The following GPR39 variants were observed in gnomAD, a reference collection of about 807,000 sequenced individuals.
The protein encoded by GPR39 is G protein-coupled receptor 39.
A neutral mutation model predicts 18.4 loss-of-function variants in GPR39; 23 were observed. That is an observed-to-expected ratio of 1.25 (90% confidence interval 0.90 to 1.77). The LOEUF is 1.77. GPR39 is among the 40% of genes most tolerant of loss of function. The pLI is 0.00. For missense variants in GPR39, 647 were observed against 602.4 expected (o/e 1.07, Z -0.78); for synonymous variants, 280 against 257.9 (o/e 1.09, Z -0.82).
intron 1 of GPR39, among the ~76,000 whole-genome samples, chr2:132,562,572 A>G (rs1429910877): frequency 3.3e-5 from 5 of 150,552 alleles, no homozygotes; most frequent in Non-Finnish European, 7.4e-5. Context: ...TTAAGATCCT[A>G]TTTTGTCACT....
At chr2:132,595,229 A>T (rs1016458008) in intron 1 of GPR39, among the ~76,000 whole-genome samples, 4 of 151,952 alleles carry the variant, frequency 2.6e-5, no homozygotes, top group Non-Finnish European at 5.9e-5. Flanking sequence ...TGAACTCCTG[A>T]CCTCATGATC....
intron 1 of GPR39, among the ~76,000 whole-genome samples, chr2:132,507,990 G>A (rs111853018): frequency 0.028 from 4,264 of 152,190 alleles, 196 homozygotes; most frequent in African/African-American, 0.096. Flanking sequence ...TGAATCGTTG[G>A]CCATGTGACT....
intron 1 of GPR39, among the ~76,000 whole-genome samples, chr2:132,631,222 G>A (rs1573708578): frequency 6.6e-6 from 1 of 152,276 alleles, no homozygotes; most frequent in East Asian, 1.9e-4. Flanking sequence ...TCATTGTTGC[G>A]CTGTACTGTG....
rs1215892771 is a variant in GPR39, at chr2:132,635,670, G to T, written c.857-9431G>T. Reference sequence around the variant, plus strand: ...GGCCTAGCAGGTCATGGGGCCTGGGGCATAGAAGAGTGCCATCCTATGCTG... The same window carrying T: ...GGCCTAGCAGGTCATGGGGCCTGGGTCATAGAAGAGTGCCATCCTATGCTG... On this transcript the variant is annotated intron_variant, in intron 1 of 1. Transcript: ENST00000329321. Among the ~76,000 whole-genome samples the T allele has an allele frequency of 4.6e-5, 7 of 152,106 alleles. No individual in the cohort carries two copies. The South Asian group carries it at 1.5e-3, about 32-fold the overall frequency.
intron 1 of GPR39, among the ~76,000 whole-genome samples, chr2:132,520,791 A>G (rs28460430): frequency 0.47 from 71,516 of 152,004 alleles, 17,699 homozygotes; most frequent in Non-Finnish European, 0.56. Flanking sequence ...TTTAGCAGAG[A>G]GTGGGAGAAT....
At chr2:132,510,275 G>A (rs1253601157) in intron 1 of GPR39, among the ~76,000 whole-genome samples, 2 of 152,256 alleles carry the variant, frequency 1.3e-5, no homozygotes, top group Middle Eastern at 3.4e-3. Context: ...CATGAAGTGA[G>A]CTTATTGTTT....
intron 1 of GPR39, among the ~76,000 whole-genome samples, chr2:132,460,115 A>G (rs1158246787): frequency 1.3e-5 from 2 of 152,216 alleles, no homozygotes; most frequent in Non-Finnish European, 2.9e-5. Context: ...AAAAACCTGC[A>G]TAGGATTCTA....
At chr2:132,513,138 A>G (rs1558822144) in intron 1 of GPR39, among the ~76,000 whole-genome samples, 1 of 152,180 alleles carries the variant, frequency 6.6e-6, no homozygotes, top group African/African-American at 2.4e-5. Flanking sequence ...GTTGGGTTCC[A>G]GTAAGATGTG....
At chr2:132,527,020 G>A (rs1573647144) in intron 1 of GPR39, among the ~76,000 whole-genome samples, 1 of 152,098 alleles carries the variant, frequency 6.6e-6, no homozygotes, top group African/African-American at 2.4e-5. Context: ...TGCCATGGTG[G>A]TTTGCTGCAT....
chr2:132,594,874 C>T (rs1680908872), intron 1 of GPR39, among the ~76,000 whole-genome samples: 1 of 152,168 alleles, frequency 6.6e-6, no homozygotes, highest in South Asian at 2.1e-4. Flanking sequence ...GTACTTATCT[C>T]ATAGGGTTGA....
chr2:132,544,140 A>G (rs927399008), intron 1 of GPR39, among the ~76,000 whole-genome samples: 1 of 152,214 alleles, frequency 6.6e-6, no homozygotes, highest in African/African-American at 2.4e-5. Context: ...CAACTTGAGA[A>G]CATATGTTAA....
At chr2:132,551,332 C>T (rs1471038253) in intron 1 of GPR39, among the ~76,000 whole-genome samples, 2 of 152,162 alleles carry the variant, frequency 1.3e-5, no homozygotes, top group African/African-American at 4.8e-5. Flanking sequence ...GTTTAGATCT[C>T]ACTAGCCAGA....
chr2:132,482,783 A>G (rs1372651262), intron 1 of GPR39, among the ~76,000 whole-genome samples: 1 of 152,234 alleles, frequency 6.6e-6, no homozygotes, highest in East Asian at 1.9e-4. Flanking sequence ...CAAATCAGAT[A>G]AAGCCAAAAT....
chr2:132,572,503 T>C (rs994257082), intron 1 of GPR39, among the ~76,000 whole-genome samples: 2 of 151,794 alleles, frequency 1.3e-5, no homozygotes, highest in African/African-American at 4.9e-5. Flanking sequence ...CCTGAGAGCT[T>C]TTATTAGTCA....
intron 1 of GPR39, among the ~76,000 whole-genome samples, chr2:132,425,553 TA>T (rs1680104558): frequency 6.6e-6 from 1 of 152,212 alleles, no homozygotes; most frequent in South Asian, 2.1e-4. Flanking sequence ...GCCTGGTCCA[TA>T]AGGTATACGT....
Position 132,626,776 on chromosome 2 carries a change from A to G in GPR39, c.857-18325A>G, listed in dbSNP as rs528280024. On this transcript the variant is annotated intron_variant, in intron 1 of 1. Coordinates refer to ENST00000329321, the MANE Select transcript of GPR39 (RefSeq NM_001508.3). ...GAACAACCTCCCCGCAGGCCACTAC[A>G]TTAAAGACATTTATATAATTGAGAC... 1.2e-4 allele frequency among the ~76,000 whole-genome samples: 19 copies of G among 152,308 alleles called. No homozygotes were observed. In the South Asian group the frequency reaches 3.7e-3, roughly 30 times the overall value.
At chr2:132,500,968 T>C (rs1679018649) in intron 1 of GPR39, among the ~76,000 whole-genome samples, 1 of 152,018 alleles carries the variant, frequency 6.6e-6, no homozygotes, top group Non-Finnish European at 1.5e-5. Flanking sequence ...ATCTTCTCTC[T>C]TCCTTTCTTG....
At chr2:132,642,613 T>C (rs1264847446) in intron 1 of GPR39, among the ~76,000 whole-genome samples, 1 of 152,176 alleles carries the variant, frequency 6.6e-6, no homozygotes, top group African/African-American at 2.4e-5. Flanking sequence ...AGAAAAGCAA[T>C]GTTATCATTC....
At chr2:132,426,873 C>CTT (rs1461693218) in intron 1 of GPR39, among the ~76,000 whole-genome samples, 1 of 151,970 alleles carries the variant, frequency 6.6e-6, no homozygotes, top group Non-Finnish European at 1.5e-5. Context: ...TGTTCAGTGT[C>CTT]TAACTGTCCA....
Sources: gnomAD v4.1 joint callset for allele counts (sites outside exome capture counted in the v4.1 genomes callset) on GRCh38, gnomAD v4.1.1 for gene constraint, MANE v1.5 for transcripts, NCBI Gene and HGNC (gene_info 2026-07-23, HGNC 2026-07-21) for gene names.